The following MBTD1 variants were observed in gnomAD, a reference collection of about 807,000 sequenced individuals.
The protein encoded by MBTD1 is MBT domain-containing protein 1.
MBTD1 carries 24 observed loss-of-function variants against 87.8 expected under a neutral mutation model. The ratio of observed to expected loss-of-function variants is 0.27; its 90% CI spans 0.20 to 0.38. MBTD1 has a LOEUF of 0.38. Ranked by LOEUF, MBTD1 falls within the 10% of genes least tolerant of loss-of-function variation. The probability of loss-of-function intolerance (pLI) is 1.00; values close to 1 mark genes in which losing one functional copy is unlikely to be tolerated. For synonymous variants in MBTD1, 237 were observed against 248.6 expected (o/e 0.95, Z 0.44); for missense variants, 436 against 760.2 (o/e 0.57, Z 5.02).
chr17:51,259,727 A>T, intron 1 of MBTD1, 108 bp downstream of exon 1: 1 of 1,067,660 alleles, frequency 9.4e-7, no homozygotes. Flanking sequence ...TGGGATGGAG[A>T]AGCAGGCCAG....
At chr17:51,221,232 G>A (rs1181543405) in intron 3 of MBTD1, among the ~76,000 whole-genome samples, 1 of 152,154 alleles carries the variant, frequency 6.6e-6, no homozygotes, top group Non-Finnish European at 1.5e-5. Context: ...CAGGAGTTCA[G>A]GGTTACAGTG....
chr17:51,197,459 C>T (rs1345874530), intron 12 of MBTD1, among the ~76,000 whole-genome samples: 1 of 151,516 alleles, frequency 6.6e-6, no homozygotes, highest in South Asian at 2.1e-4. Flanking sequence ...TGAATAAACT[C>T]CTAATTTGCC....
At chr17:51,260,401 C>T (rs1024960278), upstream of MBTD1, 25 of 654,270 alleles carry the variant, frequency 3.8e-5, no homozygotes, top group Middle Eastern at 8.6e-4. Flanking sequence ...GGAACTCCCA[C>T]ACGGGGCGGG....
chr17:51,259,276 C>T, intron 1 of MBTD1, 70 bp from the exon 2 acceptor site: 1 of 1,231,352 alleles, frequency 8.1e-7, no homozygotes, highest in Non-Finnish European at 1.0e-6. Context: ...ACTTGAAACC[C>T]TTTTAAATAT....
chr17:51,256,306 C>A (rs2055084696), intron 2 of MBTD1: 1 of 152,174 alleles, frequency 6.6e-6, no homozygotes, highest in Admixed American at 6.5e-5. Flanking sequence ...ACACAACTCA[C>A]CTAAGATCGC....
chr17:51,237,284 A>G (rs111538269), intron 2 of MBTD1, among the ~76,000 whole-genome samples: 206 of 142,606 alleles, frequency 1.4e-3, no homozygotes, highest in African/African-American at 5.2e-3. Context: ...TGATGGTGTG[A>G]GACTCCATCT....
Position 51,195,351 on chromosome 17 carries a change from T to C in MBTD1, c.1235A>G (p.Asp412Gly), listed in dbSNP as rs895613297. The change falls in exon 13 of 17, where the codon GAC (aspartate) becomes GGC (glycine). Residue 412 changes from aspartate to glycine, a missense_variant. Physicochemically the swap from Asp to Gly is moderately conservative, Grantham distance 94 (BLOSUM62 -1). Around this residue, in one of 5 missense-constraint regions of MBTD1, gnomAD observed 268 missense variants for 401.8 expected, o/e 0.67. Coordinates refer to ENST00000586178, the MANE Select transcript of MBTD1 (RefSeq NM_017643.3). ...ATCGATCCCAATCATCAGGAATCCG[T>C]CAGCTAGCACCTTTTCAATGAAGAG... ...CVATIRKVLA[D>G]GFLMIGIDGS... 2.5e-6 allele frequency: 4 copies of C among 1,606,886 alleles called. No homozygotes were observed. The highest frequency in any genetic ancestry group is 3.4e-6 in the Non-Finnish European group (4 of 1,176,566).
chr17:51,182,243 G>A (rs2050345225), intron 16 of MBTD1, among the ~76,000 whole-genome samples: 2 of 150,338 alleles, frequency 1.3e-5, no homozygotes, highest in African/African-American at 4.9e-5. Flanking sequence ...TCATGCCTCA[G>A]CCTCCCGAGT....
At chr17:51,233,349 T>C (rs2053648149) in intron 2 of MBTD1, among the ~76,000 whole-genome samples, 1 of 151,946 alleles carries the variant, frequency 6.6e-6, no homozygotes, top group Admixed American at 6.6e-5. Flanking sequence ...GAAAGATGCA[T>C]CTATAGGAAA....
chr17:51,219,091 A>G, intron 4 of MBTD1, 47 bp from the exon 5 acceptor site: 1 of 954,366 alleles, frequency 1.0e-6, no homozygotes, highest in Non-Finnish European at 1.7e-6. Flanking sequence ...TCATCCCCTC[A>G]CCACCACAAT....
At chr17:51,237,712 A>T (rs947816524) in intron 2 of MBTD1, among the ~76,000 whole-genome samples, 1 of 152,220 alleles carries the variant, frequency 6.6e-6, no homozygotes, top group African/African-American at 2.4e-5. Flanking sequence ...TGTGGATGAG[A>T]ATGTAAAATG....
At chr17:51,212,952 A>T (rs890229461) in intron 6 of MBTD1, among the ~76,000 whole-genome samples, 2 of 152,090 alleles carry the variant, frequency 1.3e-5, no homozygotes, top group Admixed American at 1.3e-4. Context: ...CTGGTCTTGA[A>T]CTGCTGACCT....
At chr17:51,209,391 G>C in intron 6 of MBTD1, 1 of 471,190 alleles carries the variant, frequency 2.1e-6, no homozygotes, top group Middle Eastern at 3.3e-4. Flanking sequence ...TCCTGCTCCA[G>C]GGCCACTCGT....
chr17:51,242,225 T>C (rs1402987347), intron 2 of MBTD1, among the ~76,000 whole-genome samples: 2 of 152,214 alleles, frequency 1.3e-5, no homozygotes, highest in Non-Finnish European at 2.9e-5. Context: ...ATGTGACATA[T>C]ATATACACAC....
At chr17:51,216,575 T>G (rs2052581103) in intron 6 of MBTD1, among the ~76,000 whole-genome samples, 6 of 152,230 alleles carry the variant, frequency 3.9e-5, no homozygotes. Context: ...AATAGTTCCT[T>G]GTTTTTGTGA....
chr17:51,231,551 T>C (rs2053550618), intron 2 of MBTD1, among the ~76,000 whole-genome samples: 1 of 152,216 alleles, frequency 6.6e-6, no homozygotes, highest in Non-Finnish European at 1.5e-5. Context: ...TAAAGAGGAA[T>C]ATACAGTATG....
At chr17:51,199,462 G>C (rs1264588164) in intron 12 of MBTD1, among the ~76,000 whole-genome samples, 1 of 148,866 alleles carries the variant, frequency 6.7e-6, no homozygotes, top group Non-Finnish European at 1.5e-5. Context: ...TTTTTTTTTT[G>C]AGACAGTCTT....
rs1555673774 is a variant in MBTD1 at position 51,179,506 on chromosome 17, A to ATATT, written c.*1069_*1070insAATA. ...ATTTTATATATATATATATATATAT[A>ATATT]TATATATATATATATATATATATAT... On this transcript the variant is annotated 3_prime_UTR_variant, in exon 17 of 17. Coordinates refer to ENST00000586178, the MANE Select transcript of MBTD1 (RefSeq NM_017643.3). The ATATT allele has an allele frequency of 5.8e-4, 48 of 82,330 alleles. No homozygotes were observed. The highest frequency in any genetic ancestry group is 2.8e-4 in the Non-Finnish European group (11 of 39,380). 5.1% of individuals were successfully genotyped at this position (82,330 alleles called of 1,614,324 possible). A position where few individuals can be genotyped will look rare whatever the true frequency, so the allele number is the denominator to read the frequency against.
At chr17:51,193,121 A>G (rs2050891590) in intron 14 of MBTD1, 105 bp from the exon 15 acceptor site, 1 of 747,482 alleles carries the variant, frequency 1.3e-6, no homozygotes, top group East Asian at 2.5e-5. Context: ...TAAATAACAT[A>G]ATTATAAACC....
Sources: gnomAD v4.1 joint callset for allele counts (sites outside exome capture counted in the v4.1 genomes callset) on GRCh38, gnomAD v4.1.1 for gene constraint, gnomAD v4.1.1 regional missense constraint, MANE v1.5 for transcripts, NCBI Gene and HGNC (gene_info 2026-07-23, HGNC 2026-07-21) for gene names.